Variants in ITGA9 observed in about 807,000 individuals in gnomAD.
ITGA9 encodes integrin subunit alpha 9.
In ITGA9, 56 loss-of-function variants were observed where a neutral mutation model predicts 127.8. The ratio of observed to expected loss-of-function variants is 0.44; its 90% CI spans 0.35 to 0.55. ITGA9 has a LOEUF of 0.55. ITGA9 is among the 20% of genes least tolerant of loss of function. The pLI is 0.00. For missense variants in ITGA9, 1,196 were observed against 1,347.1 expected (o/e 0.89, Z 1.76); for synonymous variants, 508 against 514.5 (o/e 0.99, Z 0.17).
intron 15 of ITGA9, among the ~76,000 whole-genome samples, chr3:37,596,178 C>T (rs1016583726): frequency 6.6e-6 from 1 of 152,194 alleles, no homozygotes; most frequent in South Asian, 2.1e-4. Context: ...ATGTGACATT[C>T]TCTTGTTGGT....
At chr3:37,562,014 A>G (rs1390392452) in intron 15 of ITGA9, among the ~76,000 whole-genome samples, 1 of 152,188 alleles carries the variant, frequency 6.6e-6, no homozygotes, top group Non-Finnish European at 1.5e-5. Context: ...GGGAAATGCA[A>G]CACTGGCCAT....
rs533973856 is a variant in ITGA9, at chr3:37,593,962, G to A, written c.1690-35225G>A. Among the ~76,000 whole-genome samples the A allele has an allele frequency of 7.4e-4, 113 of 152,346 alleles. 2 individuals carry two copies. In the Middle Eastern group the frequency reaches 0.01, roughly 14 times the overall value. Reference sequence around the variant, plus strand: ...GCATGACTCAGGAGTCTGACCAGGGGCAAGCAGGCTGCCTCTTGCTCCTCC... The same window carrying A: ...GCATGACTCAGGAGTCTGACCAGGGACAAGCAGGCTGCCTCTTGCTCCTCC... On this transcript the variant is annotated intron_variant, in intron 15 of 27. Transcript: ENST00000264741.
chr3:37,778,388 G>A (rs948578668), intron 24 of ITGA9, among the ~76,000 whole-genome samples: 1 of 152,024 alleles, frequency 6.6e-6, no homozygotes, highest in Non-Finnish European at 1.5e-5. Flanking sequence ...GGAGGCTGAG[G>A]GGGTGGATCA....
At chr3:37,527,850 A>G (rs1163640873) in intron 13 of ITGA9, among the ~76,000 whole-genome samples, 2 of 151,164 alleles carry the variant, frequency 1.3e-5, no homozygotes, top group Non-Finnish European at 2.9e-5. Context: ...CAATGGTGTG[A>G]TCTCAGCTCA....
At chr3:37,641,264 T>A (rs1306742701) in intron 16 of ITGA9, among the ~76,000 whole-genome samples, 1 of 152,128 alleles carries the variant, frequency 6.6e-6, no homozygotes, top group East Asian at 1.9e-4. Context: ...CCTACACATG[T>A]GAGGGATCTA....
chr3:37,736,025 C>G (rs930610395), intron 19 of ITGA9, among the ~76,000 whole-genome samples: 3 of 152,206 alleles, frequency 2.0e-5, no homozygotes, highest in Admixed American at 6.5e-5. Context: ...GGTTCATAAA[C>G]AGAACCTTCT....
chr3:37,655,522 C>T (rs188453014), intron 17 of ITGA9, among the ~76,000 whole-genome samples: 284 of 152,212 alleles, frequency 1.9e-3, no homozygotes, highest in African/African-American at 6.4e-3. Context: ...TCATATCTTT[C>T]GCCTACTTTT....
intron 16 of ITGA9, among the ~76,000 whole-genome samples, chr3:37,649,844 G>C (rs1217613571): frequency 6.6e-6 from 1 of 152,200 alleles, no homozygotes; most frequent in Non-Finnish European, 1.5e-5. Context: ...GCAAATTTCA[G>C]ATCGAAATCA....
At chr3:37,562,253 A>C (rs1017737431) in intron 15 of ITGA9, among the ~76,000 whole-genome samples, 2 of 150,346 alleles carry the variant, frequency 1.3e-5, no homozygotes, top group Non-Finnish European at 3.0e-5. Context: ...GTAATCACAC[A>C]CTCCCCTCCT....
chr3:37,542,592 CCT>C lies in ITGA9; in HGVS notation c.1689+11_1689+12del. 2 of 1,613,968 alleles carry C rather than the reference CCT, an allele frequency of 1.2e-6. No homozygotes were observed. Among genetic ancestry groups the C allele is most frequent in the South Asian group, 1.1e-5 (1 of 91,056 alleles). On this transcript the variant is annotated splice_region_variant and intron_variant, in intron 15 of 27. Coordinates refer to ENST00000264741, the MANE Select transcript of ITGA9 (RefSeq NM_002207.3). ...CTATGTGGCCCATGTGAAGGTCAGT[CCT>C]CTCCTCCTTTTTATCCTCAAACTTT...
At chr3:37,571,984 G>A (rs1699606324) in intron 15 of ITGA9, among the ~76,000 whole-genome samples, 1 of 151,962 alleles carries the variant, frequency 6.6e-6, no homozygotes, top group Non-Finnish European at 1.5e-5. Context: ...TATGAATTCT[G>A]GGCTAGTGGG....
chr3:37,703,194 T>C (rs1700966259), intron 18 of ITGA9, among the ~76,000 whole-genome samples: 1 of 152,184 alleles, frequency 6.6e-6, no homozygotes, highest in African/African-American at 2.4e-5. Flanking sequence ...ATCTGACCAA[T>C]TAGATATGTT....
At chr3:37,491,414 C>T (rs1053756123) in intron 4 of ITGA9, among the ~76,000 whole-genome samples, 5 of 152,246 alleles carry the variant, frequency 3.3e-5, no homozygotes, top group African/African-American at 1.2e-4. Context: ...TTGTAGTCCT[C>T]TCTGCAGGGC....
intron 18 of ITGA9, among the ~76,000 whole-genome samples, chr3:37,732,274 A>G (rs1473159451): frequency 6.6e-6 from 1 of 152,044 alleles, no homozygotes; most frequent in Non-Finnish European, 1.5e-5. Flanking sequence ...GGCTTTAGGA[A>G]GAAACCCTCT....
chr3:37,587,443 T>C (rs2125613162), intron 15 of ITGA9, among the ~76,000 whole-genome samples: 1 of 152,292 alleles, frequency 6.6e-6, no homozygotes, highest in South Asian at 2.1e-4. Context: ...TTGACGACAA[T>C]GTTGAATCAA....
intron 11 of ITGA9, among the ~76,000 whole-genome samples, chr3:37,521,367 G>A (rs1009594304): frequency 3.3e-5 from 5 of 152,088 alleles, no homozygotes; most frequent in African/African-American, 1.2e-4. Flanking sequence ...GTGAGATCAG[G>A]GCCTACACTT....
At chr3:37,533,748 G>A (rs1305268835) in intron 14 of ITGA9, among the ~76,000 whole-genome samples, 1 of 152,200 alleles carries the variant, frequency 6.6e-6, no homozygotes, top group Admixed American at 6.5e-5. Flanking sequence ...TTGGACCACA[G>A]GTCCTATGGG....
chr3:37,617,665 T>C (rs1025116638), intron 15 of ITGA9, among the ~76,000 whole-genome samples: 1 of 152,232 alleles, frequency 6.6e-6, no homozygotes, highest in Non-Finnish European at 1.5e-5. Flanking sequence ...TTCGTTTCTT[T>C]TTATTCTTTT....
At chr3:37,535,647 C>T (rs1009771676) in intron 14 of ITGA9, among the ~76,000 whole-genome samples, 1 of 152,150 alleles carries the variant, frequency 6.6e-6, no homozygotes, top group Non-Finnish European at 1.5e-5. Context: ...CCATTCAGCA[C>T]CAGTGTACCC....
Sources: gnomAD v4.1 joint callset for allele counts (sites outside exome capture counted in the v4.1 genomes callset) on GRCh38, gnomAD v4.1.1 for gene constraint, MANE v1.5 for transcripts, NCBI Gene and HGNC (gene_info 2026-07-23, HGNC 2026-07-21) for gene names.